The following CFAP58 variants were observed in gnomAD, a reference collection of about 807,000 sequenced individuals.
CFAP58 encodes the protein cilia and flagella associated protein 58.
Under a neutral mutation model 119.5 loss-of-function variants are expected in CFAP58, and 88 were observed. The observed-to-expected ratio is 0.74, with a 90% CI of 0.62 to 0.88. The LOEUF (loss-of-function observed/expected upper bound fraction) is 0.88, where lower values mean the gene tolerates loss of function less well. Ranked by LOEUF, CFAP58 falls within the 40% of genes least tolerant of loss-of-function variation. The pLI is 0.00. For synonymous variants in CFAP58, 365 were observed against 366.3 expected, an observed-to-expected ratio of 1.00 and a Z score of 0.04; for missense variants, 990 against 1,021.2, an observed-to-expected ratio of 0.97 and a Z score of 0.42.
At chr10:104,354,610 C>G (rs928893027) in intron 1 of CFAP58, among the ~76,000 whole-genome samples, 4 of 152,132 alleles carry the variant, frequency 2.6e-5, no homozygotes, top group African/African-American at 9.7e-5. Context: ...TTCACAGTCC[C>G]CATCCACTAT....
At chr10:104,352,974 T>C (rs2014481618), upstream of CFAP58, 1 of 152,140 alleles carries the variant, frequency 6.6e-6, no homozygotes, top group African/African-American at 2.4e-5. Flanking sequence ...CAAAAATACA[T>C]ATGGAAGCAC....
At chr10:104,379,358 G>A (rs1430678132) in intron 8 of CFAP58, among the ~76,000 whole-genome samples, 5 of 152,072 alleles carry the variant, frequency 3.3e-5, no homozygotes, top group East Asian at 3.8e-4. Flanking sequence ...TTCTTTTTAC[G>A]GCTGAATGCT....
intron 7 of CFAP58, among the ~76,000 whole-genome samples, chr10:104,371,541 A>G (rs2014823805): frequency 6.6e-6 from 1 of 152,206 alleles, no homozygotes; most frequent in Non-Finnish European, 1.5e-5. Context: ...TTACCGTTAT[A>G]ACCGACCTGT....
rs920359544 is a variant in CFAP58, at chr10:104,436,794, G to A, written c.2257-10904G>A. 1.5e-4 allele frequency among the ~76,000 whole-genome samples: 23 copies of A among 152,320 alleles called. 1 individual carries two copies. Among genetic ancestry groups the A allele is most frequent in the East Asian group, 1.9e-4 (1 of 5,184 alleles). On this transcript the variant is annotated intron_variant, in intron 15 of 17. Transcript: ENST00000369704. Reference sequence around the variant, plus strand: ...ATATTGAAAACAAACTCACCTGCCTGTCATTGAAGGCATATATAGTACCTC... The same window carrying A: ...ATATTGAAAACAAACTCACCTGCCTATCATTGAAGGCATATATAGTACCTC...
chr10:104,354,939 G>A (rs146561834), intron 1 of CFAP58, among the ~76,000 whole-genome samples: 6 of 150,534 alleles, frequency 4.0e-5, no homozygotes, highest in African/African-American at 1.5e-4. Context: ...TGCTTCCTCT[G>A]CACCATTCAC....
chr10:104,449,980 A>T (rs1170171737), intron 16 of CFAP58, 91 bp from the exon 17 acceptor site: 16 of 1,293,808 alleles, frequency 1.2e-5, no homozygotes, highest in Non-Finnish European at 1.7e-5. Flanking sequence ...TTGCACCTCT[A>T]GCTCCACTGC....
At chr10:104,345,115 C>T in the CFAP58 span, among the ~76,000 whole-genome samples, 1 of 151,866 alleles carries the variant, frequency 6.6e-6, no homozygotes. Flanking sequence ...CCATTGCACT[C>T]CAGCCTGGGC....
At chr10:104,370,870 A>G (rs2014813586) in intron 6 of CFAP58, 25 bp from the exon 7 acceptor site, 3 of 1,598,386 alleles carry the variant, frequency 1.9e-6, no homozygotes, top group East Asian at 4.5e-5. Context: ...AAAGTGACTC[A>G]TTAATTCTTT....
chr10:104,423,060 G>A lies in CFAP58; in HGVS notation c.2256+16267G>A, dbSNP rs1051952044. Among the ~76,000 whole-genome samples, 10 of 152,216 alleles carry A rather than the reference G, an allele frequency of 6.6e-5. No individual in the cohort carries two copies. The South Asian group carries it at 2.1e-3, about 32-fold the overall frequency. On this transcript the variant is annotated intron_variant, in intron 15 of 17. Transcript: ENST00000369704. ...TGGTACTTTAATATGCTGGCATCTT[G>A]TCGCTACCCTTGGATTTTATTGCTG... is the stretch of plus-strand genomic sequence containing the variant.
intron 2 of CFAP58, among the ~76,000 whole-genome samples, chr10:104,360,921 G>C (rs2014658123): frequency 6.6e-6 from 1 of 152,122 alleles, no homozygotes; most frequent in African/African-American, 2.4e-5. Flanking sequence ...ATTGTCAATA[G>C]CACTGTGATG....
chr10:104,389,020 C>G (rs1017406386), intron 9 of CFAP58, among the ~76,000 whole-genome samples: 6 of 152,164 alleles, frequency 3.9e-5, no homozygotes, highest in African/African-American at 1.2e-4. Context: ...TAAGCTCCAG[C>G]CCCACAGCTG....
In CFAP58 at chr10:104,362,190, G is replaced by T; in HGVS notation, c.440+19G>T. 1 of 1,599,036 alleles carries T rather than the reference G, an allele frequency of 6.3e-7. No homozygotes were observed. Among genetic ancestry groups the T allele is most frequent in the African/African-American group, 1.3e-5 (1 of 74,466 alleles). On this transcript the variant is annotated intron_variant, in intron 3 of 17. Transcript: ENST00000369704. ...ATAGCAAGTAGGTCATAGCCTTGTTGATGTATGTTAAACTTGCTTTTGCAG... is the reference window on the plus strand; with the variant it reads ...ATAGCAAGTAGGTCATAGCCTTGTTTATGTATGTTAAACTTGCTTTTGCAG...
intron 15 of CFAP58, among the ~76,000 whole-genome samples, chr10:104,446,511 T>C (rs2013114908): frequency 6.6e-6 from 1 of 152,246 alleles, no homozygotes; most frequent in Non-Finnish European, 1.5e-5. Context: ...TGATTTTTTA[T>C]GACTTTTATA....
At chr10:104,367,503 C>T (rs1229138159) in intron 5 of CFAP58, among the ~76,000 whole-genome samples, 3 of 151,746 alleles carry the variant, frequency 2.0e-5, no homozygotes, top group Non-Finnish European at 4.4e-5. Context: ...CACAGTGTGC[C>T]GCCTCCAGCA....
intron 2 of CFAP58, among the ~76,000 whole-genome samples, chr10:104,361,217 C>A (rs2014662156): frequency 6.6e-6 from 1 of 152,336 alleles, no homozygotes; most frequent in South Asian, 2.1e-4. Context: ...TGTCAAAATA[C>A]ACATTGCATT....
At chr10:104,449,430 T>A (rs559074392) in intron 16 of CFAP58, among the ~76,000 whole-genome samples, 1 of 152,324 alleles carries the variant, frequency 6.6e-6, no homozygotes, top group Non-Finnish European at 1.5e-5. Flanking sequence ...CGCTATGTCC[T>A]ATGCAGATGA....
At position 104,447,609 on chromosome 10, in the gene CFAP58, T is replaced by C; in HGVS notation, c.2257-89T>C. The C allele has an allele frequency of 6.6e-6, 10 of 1,523,570 alleles. No homozygotes were observed. The South Asian group carries it at 1.2e-4, about 19-fold the overall frequency. 94.4% of individuals were successfully genotyped at this position (1,523,570 alleles called of 1,614,324 possible). ...GGAGCTGTGAAGTAGCTTGGGCCAC[T>C]CCCAAATTGTGCTGGCCATGCAGTG... is the stretch of plus-strand genomic sequence containing the variant. On this transcript the variant is annotated intron_variant, in intron 15 of 17. Coordinates refer to ENST00000369704, the MANE Select transcript of CFAP58 (RefSeq NM_001008723.2).
At chr10:104,415,711 G>C (rs992484216) in intron 15 of CFAP58, among the ~76,000 whole-genome samples, 4 of 152,160 alleles carry the variant, frequency 2.6e-5, no homozygotes, top group African/African-American at 7.2e-5. Flanking sequence ...CTACCAACCA[G>C]GTAGATCCCT....
At chr10:104,350,293 C>T (rs1227758871), upstream of CFAP58, among the ~76,000 whole-genome samples, 2 of 152,132 alleles carry the variant, frequency 1.3e-5, no homozygotes, top group Non-Finnish European at 2.9e-5. Flanking sequence ...TAGGGGCTGA[C>T]GCGATCTTGT....
Sources: gnomAD v4.1 joint callset for allele counts (sites outside exome capture counted in the v4.1 genomes callset) on GRCh38, gnomAD v4.1.1 for gene constraint, MANE v1.5 for transcripts, NCBI Gene and HGNC (gene_info 2026-07-23, HGNC 2026-07-21) for gene names.